Variants in PTPRO observed in about 807,000 individuals in gnomAD.
PTPRO encodes protein tyrosine phosphatase receptor type O.
A neutral mutation model predicts 145.2 loss-of-function variants in PTPRO; 62 were observed. The observed-to-expected ratio is 0.43, with a 90% CI of 0.35 to 0.53. The LOEUF is 0.53. PTPRO is among the 20% of genes least tolerant of loss of function. The probability of loss-of-function intolerance (pLI) is 0.01; values close to 1 mark genes in which losing one functional copy is unlikely to be tolerated. For synonymous variants in PTPRO, 565 were observed against 514.7 expected (o/e 1.10, Z -1.32); for missense variants, 1,345 against 1,482.7 (o/e 0.91, Z 1.53).
intron 1 of PTPRO, among the ~76,000 whole-genome samples, chr12:15,402,659 A>C (rs1939530132): frequency 6.6e-6 from 1 of 152,070 alleles, no homozygotes; most frequent in South Asian, 2.1e-4. Context: ...AAATTTTATA[A>C]ATTCTACATA....
At chr12:15,538,533 C>G (rs1320751672) in intron 12 of PTPRO, among the ~76,000 whole-genome samples, 1 of 152,128 alleles carries the variant, frequency 6.6e-6, no homozygotes, top group Non-Finnish European at 1.5e-5. Context: ...CACTTTAGCA[C>G]TTCTCTAAAG....
intron 12 of PTPRO, among the ~76,000 whole-genome samples, chr12:15,544,499 T>A (rs1444253300): frequency 8.6e-5 from 7 of 81,612 alleles, no homozygotes; most frequent in Non-Finnish European, 1.1e-4. Context: ...AGAGCGAGAC[T>A]CCATCTCAAA....
intron 7 of PTPRO, 70 bp from the exon 8 acceptor site, chr12:15,515,428 T>G: frequency 5.1e-6 from 8 of 1,583,230 alleles, no homozygotes; most frequent in Non-Finnish European, 6.9e-6. Flanking sequence ...CTCTGAATAT[T>G]ATACCAGCCT....
chr12:15,579,602 A>C (rs1328090900), intron 20 of PTPRO, among the ~76,000 whole-genome samples: 1 of 152,212 alleles, frequency 6.6e-6, no homozygotes, highest in Admixed American at 6.5e-5. Context: ...TTCAGAAATT[A>C]CTTCTTTAAT....
At chr12:15,437,000 G>A (rs1327655110) in intron 1 of PTPRO, among the ~76,000 whole-genome samples, 1 of 151,942 alleles carries the variant, frequency 6.6e-6, no homozygotes, top group African/African-American at 2.4e-5. Flanking sequence ...TGAGATCGTG[G>A]TGCAACAGAG....
intron 1 of PTPRO, among the ~76,000 whole-genome samples, chr12:15,443,756 C>T (rs759017015): frequency 2.0e-4 from 31 of 152,090 alleles, no homozygotes; most frequent in Non-Finnish European, 3.7e-4. Flanking sequence ...CACTAATCAT[C>T]AGAGAAACGC....
chr12:15,536,760 T>C (rs915575349), intron 12 of PTPRO, among the ~76,000 whole-genome samples: 1 of 152,216 alleles, frequency 6.6e-6, no homozygotes, highest in Admixed American at 6.5e-5. Context: ...TTATGGATTA[T>C]TTAAAAGGCA....
At chr12:15,474,789 T>C (rs1285003707) in intron 1 of PTPRO, among the ~76,000 whole-genome samples, 1 of 152,232 alleles carries the variant, frequency 6.6e-6, no homozygotes, top group East Asian at 1.9e-4. Context: ...CAGCAGGGAT[T>C]ACATGCCTGC....
intron 6 of PTPRO, 132 bp downstream of exon 6, chr12:15,504,201 C>G: frequency 1.0e-6 from 1 of 979,874 alleles, no homozygotes; most frequent in East Asian, 2.6e-5. Context: ...TCAGGAGAGG[C>G]TGAGATCCAC....
chr12:15,468,753 G>A lies in PTPRO; in HGVS notation c.76-15221G>A, dbSNP rs554763277. ...ATTCTCAGCAAGAAGCATACAGCAG[G>A]CACTCAATTGTTAAAAACTATCTGA... is the stretch of plus-strand genomic sequence containing the variant. On this transcript the variant is annotated intron_variant, in intron 1 of 26. Transcript: ENST00000281171. Among the ~76,000 whole-genome samples the A allele has an allele frequency of 7.9e-5, 12 of 152,234 alleles. 2 individuals are homozygous for A. The highest frequency in any genetic ancestry group is 2.9e-4 in the African/African-American group (12 of 41,538).
intron 24 of PTPRO, among the ~76,000 whole-genome samples, chr12:15,588,799 T>C (rs1362698684): frequency 1.3e-5 from 2 of 152,172 alleles, no homozygotes. Flanking sequence ...GTGTATCAGC[T>C]CTCTGAATTC....
At chr12:15,595,214 G>C (rs1944635295) in intron 26 of PTPRO, 157 bp downstream of exon 26, 2 of 653,272 alleles carry the variant, frequency 3.1e-6, no homozygotes, top group Admixed American at 2.1e-5. Flanking sequence ...TGGTCACAGG[G>C]AGAAACAAGT....
At chr12:15,501,563 G>T in intron 4 of PTPRO, 57 bp from the exon 5 acceptor site, 1 of 1,459,590 alleles carries the variant, frequency 6.9e-7, no homozygotes, top group Non-Finnish European at 9.6e-7. Context: ...AAGAGATTAA[G>T]TATTCACTCT....
chr12:15,489,291 G>A lies in PTPRO; in HGVS notation c.349+5044G>A, dbSNP rs148309583. 3.8e-3 allele frequency among the ~76,000 whole-genome samples: 579 copies of A among 152,200 alleles called. 3 individuals are homozygous for A. Among genetic ancestry groups the A allele is most frequent in the African/African-American group, 0.013 (538 of 41,522 alleles). Reference sequence around the variant, plus strand: ...TCTCACGCAAGAAAGAATTCAGGGCGAGTGCACACCGCAAAGCAAAAGCAA... The same window carrying A: ...TCTCACGCAAGAAAGAATTCAGGGCAAGTGCACACCGCAAAGCAAAAGCAA... On this transcript the variant is annotated intron_variant, in intron 2 of 26. Coordinates refer to ENST00000281171, the MANE Select transcript of PTPRO (RefSeq NM_030667.3).
chr12:15,460,516 G>T (rs1320218022), intron 1 of PTPRO, among the ~76,000 whole-genome samples: 1 of 152,022 alleles, frequency 6.6e-6, no homozygotes, highest in East Asian at 1.9e-4. Flanking sequence ...AGTCTTCATT[G>T]CCTGTTAGAA....
intron 1 of PTPRO, among the ~76,000 whole-genome samples, chr12:15,459,279 T>C (rs754610052): frequency 3.9e-5 from 6 of 152,238 alleles, no homozygotes; most frequent in Non-Finnish European, 4.4e-5. Context: ...GCCGGCATGC[T>C]AGTTCAAACA....
intron 2 of PTPRO, among the ~76,000 whole-genome samples, chr12:15,487,908 C>T (rs1941923131): frequency 6.6e-6 from 1 of 152,204 alleles, no homozygotes; most frequent in South Asian, 2.1e-4. Flanking sequence ...TTAGACCATA[C>T]TCAGCCTTTA....
chr12:15,580,123 G>GAAAAAA lies in PTPRO; in HGVS notation c.2997+13_2997+18dup. 1 of 1,535,466 alleles carries GAAAAAA rather than the reference G, an allele frequency of 6.5e-7. No homozygotes were observed. Among genetic ancestry groups the GAAAAAA allele is most frequent in the Non-Finnish European group, 8.9e-7 (1 of 1,124,642 alleles). On this transcript the variant is annotated intron_variant, in intron 21 of 26. Coordinates refer to ENST00000281171, the MANE Select transcript of PTPRO (RefSeq NM_030667.3). ...AATGCCAACTATATTCCTGTAAGTA[G>GAAAAAA]AAAAAAAAAATCAGGCATCCCAAAG...
intron 1 of PTPRO, among the ~76,000 whole-genome samples, chr12:15,375,295 AGAAAT>A (rs1264183544): frequency 6.6e-6 from 1 of 152,246 alleles, no homozygotes; most frequent in African/African-American, 2.4e-5. Context: ...ACAGGGGAAA[AGAAAT>A]TGTCAATAGA....
Sources: allele counts gnomAD v4.1 joint callset (sites outside exome capture counted in the v4.1 genomes callset), GRCh38; gene constraint gnomAD v4.1.1; transcripts MANE v1.5; gene names NCBI Gene and HGNC (gene_info 2026-07-23, HGNC 2026-07-21).